ACER3: variants seen among roughly 807,000 people sequenced by gnomAD.
ACER3 encodes the protein alkaline ceramidase 3.
Under a neutral mutation model 48.9 loss-of-function variants are expected in ACER3, and 16 were observed. The observed-to-expected ratio is 0.33, with a 90% confidence interval of 0.22 to 0.50. The LOEUF is 0.50. Ranked by LOEUF, ACER3 falls within the 20% of genes least tolerant of loss-of-function variation. The pLI is 0.98. For missense variants in ACER3, 227 were observed against 326.0 expected (o/e 0.70, Z 2.34); for synonymous variants, 109 against 107.8 (o/e 1.01, Z -0.07).
chr11:76,994,778 A>AT (rs1948879279), intron 6 of ACER3, among the ~76,000 whole-genome samples: 1 of 152,106 alleles, frequency 6.6e-6, no homozygotes, highest in Non-Finnish European at 1.5e-5. Flanking sequence ...TATACTATAA[A>AT]TATTTGGTAT....
chr11:76,977,879 C>T (rs977284859), intron 4 of ACER3, among the ~76,000 whole-genome samples: 1 of 152,228 alleles, frequency 6.6e-6, no homozygotes, highest in African/African-American at 2.4e-5. Flanking sequence ...GCTCCCACTG[C>T]CTGGCTTCTC....
At chr11:76,952,897 C>A (rs1164155466) in intron 2 of ACER3, among the ~76,000 whole-genome samples, 1 of 151,808 alleles carries the variant, frequency 6.6e-6, no homozygotes, top group African/African-American at 2.4e-5. Flanking sequence ...AACTCCTGAC[C>A]TCTAGTGATC....
At chr11:77,001,932 C>T (rs1555019923) in intron 7 of ACER3, among the ~76,000 whole-genome samples, 2 of 152,154 alleles carry the variant, frequency 1.3e-5, no homozygotes, top group African/African-American at 4.8e-5. Flanking sequence ...AGGGTGTCAG[C>T]AGGTCTGATG....
intron 1 of ACER3, among the ~76,000 whole-genome samples, chr11:76,912,216 A>G (rs1035423233): frequency 4.6e-5 from 7 of 152,094 alleles, no homozygotes. Flanking sequence ...TGACATAGAG[A>G]GTAGAAGGCA....
intron 1 of ACER3, among the ~76,000 whole-genome samples, chr11:76,908,875 A>T (rs1293831183): frequency 6.6e-6 from 1 of 152,332 alleles, no homozygotes. Context: ...AAACTATACT[A>T]CAAGGCTACA....
chr11:76,969,884 A>G (rs980460329), intron 3 of ACER3, among the ~76,000 whole-genome samples: 1 of 151,742 alleles, frequency 6.6e-6, no homozygotes, highest in Non-Finnish European at 1.5e-5. Context: ...AACATGGCAC[A>G]TGTATACATA....
intron 2 of ACER3, among the ~76,000 whole-genome samples, chr11:76,944,411 C>A (rs1947424940): frequency 6.6e-6 from 1 of 152,152 alleles, no homozygotes; most frequent in East Asian, 1.9e-4. Context: ...GTAACAAATT[C>A]TCTCTGTGTT....
chr11:76,930,461 C>T (rs1044557758), intron 2 of ACER3, among the ~76,000 whole-genome samples: 7 of 150,662 alleles, frequency 4.6e-5, no homozygotes, highest in African/African-American at 1.7e-4. Flanking sequence ...GTGTCTCTAT[C>T]TCCTTCAGTT....
Position 76,932,655 on chromosome 11 carries a change from A to T in ACER3, c.214+5988A>T, listed in dbSNP as rs80282672. Among the ~76,000 whole-genome samples the T allele has an allele frequency of 1.9e-3, 290 of 152,288 alleles. 1 individual carries two copies. Among genetic ancestry groups the T allele is most frequent in the African/African-American group, 6.7e-3 (278 of 41,560 alleles). On this transcript the variant is annotated intron_variant, in intron 2 of 10. Coordinates refer to ENST00000532485, the MANE Select transcript of ACER3 (RefSeq NM_018367.7). ...TTTGTCCACTTATTCTCCCAGAAAA[A>T]CATAGAGATTAATAAGGAAAACAAA...
chr11:76,947,928 T>C (rs1221970277), intron 2 of ACER3, among the ~76,000 whole-genome samples: 1 of 152,136 alleles, frequency 6.6e-6, no homozygotes, highest in Non-Finnish European at 1.5e-5. Context: ...GATAGCTAAG[T>C]AGCCCATGTA....
intron 1 of ACER3, among the ~76,000 whole-genome samples, chr11:76,914,314 A>C (rs972302557): frequency 2.6e-5 from 4 of 152,216 alleles, no homozygotes; most frequent in African/African-American, 7.2e-5. Context: ...TAAAGGGCTA[A>C]TATCCAGAAT....
In ACER3 at chr11:76,998,933, G is replaced by A. The variant is rs183661182; in HGVS notation, c.497+112G>A. The stretch of plus-strand genomic sequence containing the variant: ...AAAAGCTCACTTCAGTAGAGATGTT[G>A]GAAGAAAACTATAACCCAACATTTA... On this transcript the variant is annotated intron_variant, in intron 7 of 10. Coordinates refer to ENST00000532485, the MANE Select transcript of ACER3 (RefSeq NM_018367.7). 4.7e-3 allele frequency: 3,550 copies of A among 747,396 alleles called. 20 individuals carry two copies. The highest frequency in any genetic ancestry group is 5.8e-3 in the Non-Finnish European group (2,941 of 508,178). The allele number at this position is 747,396 out of a possible 1,614,324, so 46.3% of individuals were successfully genotyped here. A position where few individuals can be genotyped will look rare whatever the true frequency, so the allele number is the denominator to read the frequency against.
chr11:76,919,242 G>A (rs1336453775), intron 1 of ACER3, among the ~76,000 whole-genome samples: 3 of 152,092 alleles, frequency 2.0e-5, no homozygotes, highest in Admixed American at 6.6e-5. Flanking sequence ...GCCAAATGTT[G>A]GAAAACCGTT....
At chr11:76,933,649 C>T (rs1159618428) in intron 2 of ACER3, among the ~76,000 whole-genome samples, 6 of 152,128 alleles carry the variant, frequency 3.9e-5, no homozygotes, top group African/African-American at 1.4e-4. Flanking sequence ...TTTCTTAGTA[C>T]AGAGCAAAAT....
chr11:76,992,622 A>T (rs2135234261), intron 6 of ACER3, among the ~76,000 whole-genome samples: 1 of 152,318 alleles, frequency 6.6e-6, no homozygotes, highest in African/African-American at 2.4e-5. Context: ...AGGGAATGCT[A>T]GAGTGAAGCA....
At chr11:76,881,031 G>A (rs908022530) in intron 1 of ACER3, among the ~76,000 whole-genome samples, 1 of 151,970 alleles carries the variant, frequency 6.6e-6, no homozygotes, top group African/African-American at 2.4e-5. Flanking sequence ...TGAGGTAGGC[G>A]GATTGTTTGA....
chr11:76,934,965 C>G (rs747530129), intron 2 of ACER3, among the ~76,000 whole-genome samples: 3 of 152,158 alleles, frequency 2.0e-5, no homozygotes, highest in Non-Finnish European at 4.4e-5. Context: ...TAATACAATA[C>G]TCCTAACTGA....
chr11:76,982,712 T>C (rs567618966), intron 4 of ACER3, among the ~76,000 whole-genome samples: 1 of 152,344 alleles, frequency 6.6e-6, no homozygotes, highest in South Asian at 2.1e-4. Context: ...TCATGAATAG[T>C]GTTTTTGTGT....
At chr11:76,932,211 A>G (rs1174095762) in intron 2 of ACER3, among the ~76,000 whole-genome samples, 1 of 152,114 alleles carries the variant, frequency 6.6e-6, no homozygotes, top group East Asian at 1.9e-4. Context: ...TGGCCTCCCA[A>G]AGTGCTGGGA....
Sources: allele counts gnomAD v4.1 joint callset (sites outside exome capture counted in the v4.1 genomes callset), GRCh38; gene constraint gnomAD v4.1.1; transcripts MANE v1.5; gene names NCBI Gene and HGNC (gene_info 2026-07-23, HGNC 2026-07-21).